The following NPHP1 variants were observed in gnomAD, a reference collection of about 807,000 sequenced individuals.
The protein encoded by NPHP1 is nephrocystin-1.
In NPHP1, 70 loss-of-function variants were observed where a neutral mutation model predicts 90.4. The observed-to-expected ratio is 0.77, with a 90% CI of 0.64 to 0.95. The LOEUF (loss-of-function observed/expected upper bound fraction) is 0.95. Ranked by LOEUF, NPHP1 falls within the 40% of genes least tolerant of loss-of-function variation. The pLI, the probability that NPHP1 is intolerant of heterozygous loss-of-function variation, is 0.00. For synonymous variants in NPHP1, 256 were observed against 271.7 expected (o/e 0.94, Z 0.57); for missense variants, 764 against 795.9 (o/e 0.96, Z 0.48).
chr2:110,165,894 G>C (rs535974242), intron 6 of NPHP1, among the ~76,000 whole-genome samples: 2 of 151,958 alleles, frequency 1.3e-5, no homozygotes, highest in Non-Finnish European at 2.9e-5. Context: ...ATCCATACAA[G>C]TAAAAAGCAC....
chr2:110,196,055 A>G (rs1476408942), intron 2 of NPHP1, among the ~76,000 whole-genome samples: 1 of 152,120 alleles, frequency 6.6e-6, no homozygotes, highest in South Asian at 2.1e-4. Context: ...AAAACCCTAG[A>G]AGAAAACCTA....
intron 2 of NPHP1, among the ~76,000 whole-genome samples, chr2:110,185,844 C>T (rs759798420): frequency 1.3e-5 from 2 of 152,154 alleles, no homozygotes; most frequent in Non-Finnish European, 2.9e-5. Context: ...TAGTACTCCC[C>T]CTGAATGGCT....
chr2:110,137,259 C>T (rs1680269912), intron 16 of NPHP1, among the ~76,000 whole-genome samples: 1 of 152,150 alleles, frequency 6.6e-6, no homozygotes, highest in Non-Finnish European at 1.5e-5. Flanking sequence ...AGGACATAGG[C>T]ATGGGCAAGG....
intron 8 of NPHP1, chr2:110,163,351 T>G: frequency 1.8e-6 from 1 of 554,758 alleles, no homozygotes; most frequent in Non-Finnish European, 3.2e-6. Flanking sequence ...GTGCCCAGCG[T>G]GCAGAGCTGT....
At chr2:110,135,713 T>C (rs182806884) in intron 16 of NPHP1, among the ~76,000 whole-genome samples, 1 of 152,254 alleles carries the variant, frequency 6.6e-6, no homozygotes, top group Admixed American at 6.5e-5. Flanking sequence ...AATGATATGT[T>C]GTCTTCTATC....
chr2:110,162,725 T>G (rs1186907173), intron 9 of NPHP1, among the ~76,000 whole-genome samples: 3 of 151,912 alleles, frequency 2.0e-5, no homozygotes, highest in Non-Finnish European at 2.9e-5. Flanking sequence ...GAATTAGGTG[T>G]GCTGATAGCA....
intron 11 of NPHP1, 151 bp from the exon 12 acceptor site, chr2:110,150,407 T>C: frequency 1.4e-6 from 1 of 727,082 alleles, no homozygotes; most frequent in Non-Finnish European, 2.4e-6. Context: ...TTCTGTAATG[T>C]TTTTCTTTTT....
At chr2:110,204,610 A>G (rs778354574) in intron 1 of NPHP1, among the ~76,000 whole-genome samples, 14 of 151,914 alleles carry the variant, frequency 9.2e-5, no homozygotes, top group Non-Finnish European at 1.8e-4. Context: ...TTAGGGTAGG[A>G]GGTTGAGACG....
chr2:110,181,409 C>T (rs1683897783), intron 2 of NPHP1, among the ~76,000 whole-genome samples: 1 of 152,176 alleles, frequency 6.6e-6, no homozygotes, highest in African/African-American at 2.4e-5. Context: ...TCAGTACTCT[C>T]CTGGGACAGA....
intron 16 of NPHP1, among the ~76,000 whole-genome samples, chr2:110,141,704 G>A (rs1276634619): frequency 6.6e-6 from 1 of 152,078 alleles, no homozygotes; most frequent in Non-Finnish European, 1.5e-5. Flanking sequence ...CGGATGCGGT[G>A]GCTCAAGCCT....
chr2:110,151,327 C>T (rs537526203), intron 11 of NPHP1, among the ~76,000 whole-genome samples: 1 of 151,964 alleles, frequency 6.6e-6, no homozygotes, highest in Non-Finnish European at 1.5e-5. Flanking sequence ...AATTCAATCT[C>T]TTATAAAATG....
intron 2 of NPHP1, among the ~76,000 whole-genome samples, chr2:110,181,145 T>C (rs1424061435): frequency 6.6e-6 from 1 of 152,150 alleles, no homozygotes; most frequent in Non-Finnish European, 1.5e-5. Flanking sequence ...CTGAGGCAGT[T>C]CCAAGTTACC....
At position 110,123,555 on chromosome 2, in the gene NPHP1, A is replaced by G. The variant is rs1199663440; in HGVS notation, c.*236T>C. 2.3e-6 allele frequency: 1 copy of G among 431,336 alleles called. No homozygotes were observed. The highest frequency in any genetic ancestry group is 3.7e-5 in the Admixed American group (1 of 26,768). The allele number at this position is 431,336 out of a possible 1,614,324, so 26.7% of individuals were successfully genotyped here. A position where few individuals can be genotyped will look rare whatever the true frequency, so the allele number is the denominator to read the frequency against. ...TAACTTAAGTAGCTGTTTTTGAAAA[A>G]ATAAATACTGTTTAAATTTAGATAT... On this transcript the variant is annotated 3_prime_UTR_variant, in exon 20 of 20. Transcript: ENST00000445609.
chr2:110,178,474 G>A lies in NPHP1; in HGVS notation c.278C>T (p.Thr93Ile). 6.2e-7 allele frequency: 1 copy of A among 1,613,846 alleles called. No homozygotes were observed. Among genetic ancestry groups the A allele is most frequent in the Non-Finnish European group, 8.5e-7 (1 of 1,179,802 alleles). ...CACAGCAAGGCCCTGCAGTTGTTGG[G>A]TAAGCTTGTCCAAAAGAGTATGCTC... is the stretch of plus-strand genomic sequence containing the variant. ...EEEHTLLDKL[T>I]QQLQGLAVTI... The change falls in exon 4 of 20, where the codon ACC becomes ATC. Residue 93 changes from threonine to isoleucine, a missense_variant. Thr to Ile is a moderately conservative substitution (Grantham distance 89). Transcript: ENST00000445609.
intron 18 of NPHP1, chr2:110,125,915 CA>C: frequency 1.8e-6 from 1 of 558,452 alleles, no homozygotes; most frequent in Non-Finnish European, 3.2e-6. Context: ...AATTATAAAT[CA>C]AAACTAACTT....
At chr2:110,146,111 G>A (rs988562115) in intron 14 of NPHP1, among the ~76,000 whole-genome samples, 4 of 152,128 alleles carry the variant, frequency 2.6e-5, no homozygotes, top group African/African-American at 4.8e-5. Context: ...CCAAATTTGG[G>A]ATCTTAATCA....
rs200118387 is a variant in NPHP1 at position 110,165,157 on chromosome 2, T to TA, written c.625-3dup. On this transcript the variant is annotated splice_polypyrimidine_tract_variant and splice_region_variant and intron_variant, in intron 6 of 19. Coordinates refer to ENST00000445609, the MANE Select transcript of NPHP1 (RefSeq NM_001128178.3). Reference sequence around the variant, plus strand: ...GCCTTCTTCTTCTTCACTATAAGGCTAAAAAACCATTGAAATGTGAAGTGC... The same window carrying TA: ...GCCTTCTTCTTCTTCACTATAAGGCTAAAAAAACCATTGAAATGTGAAGTGC... 1.3e-4 allele frequency: 207 copies of TA among 1,606,868 alleles called. 3 individuals are homozygous for TA. In the East Asian group the frequency reaches 3.8e-3, roughly 30 times the overall value.
chr2:110,129,273 C>T lies in NPHP1; in HGVS notation c.1643-14G>A, dbSNP rs748201270. Reference sequence around the variant, plus strand: ...GGCTAATTAAATCTGAAATGCAAAACAACAGAAAGAATTTTATGCAAACTT... The same window carrying T: ...GGCTAATTAAATCTGAAATGCAAAATAACAGAAAGAATTTTATGCAAACTT... On this transcript the variant is annotated splice_polypyrimidine_tract_variant and intron_variant, in intron 17 of 19. Transcript: ENST00000445609. The T allele has an allele frequency of 4.4e-5, 70 of 1,603,174 alleles. No homozygotes were observed. Among genetic ancestry groups the T allele is most frequent in the Non-Finnish European group, 5.7e-5 (67 of 1,170,466 alleles).
chr2:110,127,384 A>C (rs1679444995), intron 18 of NPHP1: 1 of 152,208 alleles, frequency 6.6e-6, no homozygotes, highest in Admixed American at 6.5e-5. Flanking sequence ...GGAGAGAAGA[A>C]GGCTCATGGG....
Sources: gnomAD v4.1 joint callset for allele counts (sites outside exome capture counted in the v4.1 genomes callset) on GRCh38, gnomAD v4.1.1 for gene constraint, MANE v1.5 for transcripts, NCBI Gene and HGNC (gene_info 2026-07-23, HGNC 2026-07-21) for gene names.